ISG15: variants seen among roughly 807,000 people sequenced by gnomAD.
ISG15 encodes ISG15 ubiquitin like modifier, also known as ubiquitin-like protein ISG15.
ISG15 carries 2 observed loss-of-function variants against 2.4 expected under a neutral mutation model. That is an observed-to-expected ratio of 0.82 (90% CI 0.33 to 2.57). The LOEUF (loss-of-function observed/expected upper bound fraction) is 2.57. ISG15 is among the 30% of genes most tolerant of loss of function. The pLI is 0.11. For synonymous variants in ISG15, 116 were observed against 108.1 expected (o/e 1.07, Z -0.45); for missense variants, 224 against 228.4 (o/e 0.98, Z 0.13).
At position 1,013,944 on chromosome 1, in the gene ISG15, G is replaced by C. The variant is rs749455248; in HGVS notation, c.4-40G>C. 1.0e-5 allele frequency: 16 copies of C among 1,552,714 alleles called. No homozygotes were observed. The Admixed American group carries it at 2.9e-4, about 28-fold the overall frequency. ...AGTGCCTTGTGTGTGGTGGGCCTGG[G>C]GCTGGCGCCGCAGTCTCTGAACCTG... is the stretch of plus-strand genomic sequence containing the variant. On this transcript the variant is annotated intron_variant, in intron 1 of 1. Transcript: ENST00000649529.
chr1:1,014,295 C>G lies in ISG15; in HGVS notation c.315C>G (p.Ala105=), dbSNP rs766568573. 1 of 1,613,672 alleles carries G rather than the reference C, an allele frequency of 6.2e-7. No homozygotes were observed. Among genetic ancestry groups the G allele is most frequent in the Non-Finnish European group, 8.5e-7 (1 of 1,179,996 alleles). The change falls in exon 2 of 2, where the codon GCC becomes GCG. Residue 105 remains alanine, a synonymous_variant. Coordinates refer to ENST00000649529, the MANE Select transcript of ISG15 (RefSeq NM_005101.4). ...TYEVRLTQTV[A]HLKQQVSGLE... ...AGGTACGGCTGACGCAGACCGTGGC[C>G]CACCTGAAGCAGCAAGTGAGCGGGC...
chr1:1,013,670 G>T (rs1644244907), intron 1 of ISG15, 94 bp downstream of exon 1: 1 of 1,390,206 alleles, frequency 7.2e-7, no homozygotes, highest in African/African-American at 1.4e-5. Flanking sequence ...GGTGCAGGGA[G>T]AGCGGAGCTG....
At position 1,014,422 on chromosome 1, in the gene ISG15, G is replaced by A. The variant is rs202194159; in HGVS notation, c.442G>A (p.Val148Met). 464 of 1,612,550 alleles carry A rather than the reference G, an allele frequency of 2.9e-4. No homozygotes were observed. The highest frequency in any genetic ancestry group is 3.7e-4 in the Non-Finnish European group (437 of 1,179,502). Reference protein sequence around the residue: ...GEYGLKPLSTVFMNLRLRGGG... With the variant: ...GEYGLKPLSTMFMNLRLRGGG... ...GTACGGCCTCAAGCCCCTGAGCACC[G>A]TGTTCATGAATCTGCGCCTGCGGGG... Residue 148 changes from valine (V) to methionine (M), a missense_variant, in exon 2 of 2, where the codon GTG becomes ATG. Coordinates refer to ENST00000649529, the MANE Select transcript of ISG15 (RefSeq NM_005101.4).
At chr1:1,013,899 C>G in intron 1 of ISG15, 85 bp from the exon 2 acceptor site, 1 of 1,498,720 alleles carries the variant, frequency 6.7e-7, no homozygotes, top group Non-Finnish European at 9.0e-7. Context: ...TCCCTGGGTA[C>G]AGGAGCTCGC....
In ISG15 at chr1:1,014,388, G is replaced by A. The variant is rs755670497; in HGVS notation, c.408G>A (p.Pro136=). The change falls in exon 2 of 2, where the codon CCG becomes CCA. Residue 136 remains proline (P), a synonymous_variant. Coordinates refer to ENST00000649529, the MANE Select transcript of ISG15 (RefSeq NM_005101.4). ...FEGKPLEDQL[P]LGEYGLKPLS... ...GGAAGCCCCTGGAGGACCAGCTCCC[G>A]CTGGGGGAGTACGGCCTCAAGCCCC... is the stretch of plus-strand genomic sequence containing the variant. 49 of 1,613,188 alleles carry A rather than the reference G, an allele frequency of 3.0e-5. No individual in the cohort carries two copies. Among genetic ancestry groups the A allele is most frequent in the South Asian group, 8.8e-5 (8 of 91,094 alleles).
At position 1,014,013 on chromosome 1, in the gene ISG15, G is replaced by A. The variant is rs376799008; in HGVS notation, c.33G>A (p.Ala11=). 3.5e-4 allele frequency: 561 copies of A among 1,603,070 alleles called. 6 individuals carry two copies. In the South Asian group the frequency reaches 5.9e-3, roughly 17 times the overall value. Residue 11 remains alanine (A), a synonymous_variant, in exon 2 of 2, where the codon GCG becomes GCA. Transcript: ENST00000649529. Reference sequence around the variant, plus strand: ...GGGACCTGACGGTGAAGATGCTGGCGGGCAACGAATTCCAGGTGTCCCTGA... The same window carrying A: ...GGGACCTGACGGTGAAGATGCTGGCAGGCAACGAATTCCAGGTGTCCCTGA... MGWDLTVKML[A]GNEFQVSLSS... is the part of the protein sequence containing the mutation.
In ISG15 at chr1:1,014,131, G is replaced by A. The variant is rs139516378; in HGVS notation, c.151G>A (p.Gly51Ser). ...FQQRLAVHPS[G>S]VALQDRVPLA... ...GCAGCGTCTGGCTGTCCACCCGAGC[G>A]GTGTGGCGCTGCAGGACAGGGTCCC... The change falls in exon 2 of 2, where the codon GGT becomes AGT. Residue 51 changes from glycine (G) to serine (S), a missense_variant. Transcript: ENST00000649529. 1.6e-4 allele frequency: 251 copies of A among 1,612,928 alleles called. No individual in the cohort carries two copies. Among genetic ancestry groups the A allele is most frequent in the Non-Finnish European group, 2.0e-4 (236 of 1,179,630 alleles).
At position 1,014,062 on chromosome 1, in the gene ISG15, C is replaced by T. The variant is rs1392952648; in HGVS notation, c.82C>T (p.Leu28=). The T allele has an allele frequency of 6.8e-6, 11 of 1,613,032 alleles. No homozygotes were observed. The highest frequency in any genetic ancestry group is 1.7e-5 in the Admixed American group (1 of 60,022). ...GAGCAGCTCCATGTCGGTGTCAGAGCTGAAGGCGCAGATCACCCAGAAGAT... is the reference window on the plus strand; with the variant it reads ...GAGCAGCTCCATGTCGGTGTCAGAGTTGAAGGCGCAGATCACCCAGAAGAT... ...SLSSSMSVSE[L]KAQITQKIGV... The change falls in exon 2 of 2, where the codon CTG becomes TTG. Residue 28 remains leucine (L), a synonymous_variant. Transcript: ENST00000649529.
At chr1:1,013,900 A>G in intron 1 of ISG15, 84 bp from the exon 2 acceptor site, 1 of 1,502,636 alleles carries the variant, frequency 6.7e-7, no homozygotes, top group East Asian at 2.3e-5. Flanking sequence ...CCCTGGGTAC[A>G]GGAGCTCGCC....
At chr1:1,013,727 C>T (rs1644245098) in intron 1 of ISG15, 151 bp downstream of exon 1, 2 of 1,003,888 alleles carry the variant, frequency 2.0e-6, no homozygotes, top group Non-Finnish European at 3.0e-6. Flanking sequence ...AGCAGGTCAC[C>T]CCTGAGATCC....
chr1:1,014,349 G>C lies in ISG15; in HGVS notation c.369G>C (p.Trp123Cys). 1 of 1,613,638 alleles carries C rather than the reference G, an allele frequency of 6.2e-7. No homozygotes were observed. ...GLEGVQDDLF[W>C]LTFEGKPLED... ...AGGGTGTGCAGGACGACCTGTTCTG[G>C]CTGACCTTCGAGGGGAAGCCCCTGG... Residue 123 changes from tryptophan (W) to cysteine (C), a missense_variant, in exon 2 of 2, where the codon TGG becomes TGC. Coordinates refer to ENST00000649529, the MANE Select transcript of ISG15 (RefSeq NM_005101.4).
Position 1,013,564 on chromosome 1 carries a change from G to A in ISG15, c.-10G>A. The A allele has an allele frequency of 6.2e-7, 1 of 1,613,596 alleles. No homozygotes were observed. Among genetic ancestry groups the A allele is most frequent in the Non-Finnish European group, 8.5e-7 (1 of 1,179,910 alleles). On this transcript the variant is annotated 5_prime_UTR_variant, in exon 1 of 2. Transcript: ENST00000649529. ...CTTGTGCCGTGGCCCACAGCCCACA[G>A]CCCACAGCCATGGTAAGGCAGATGT...
rs1644243695 is a variant in ISG15 at position 1,013,526 on chromosome 1, G to T, written c.-48G>T. ...GCTGAGAGGCAGCGAACTCATCTTT[G>T]CCAGTACAGGAGCTTGTGCCGTGGC... On this transcript the variant is annotated 5_prime_UTR_variant, in exon 1 of 2. Coordinates refer to ENST00000649529, the MANE Select transcript of ISG15 (RefSeq NM_005101.4). 1.2e-6 allele frequency: 2 copies of T among 1,608,892 alleles called. No homozygotes were observed. Among genetic ancestry groups the T allele is most frequent in the African/African-American group, 2.7e-5 (2 of 74,830 alleles).
At position 1,014,048 on chromosome 1, in the gene ISG15, T is replaced by G; in HGVS notation, c.68T>G (p.Met23Arg). Residue 23 changes from methionine to arginine, a missense_variant, in exon 2 of 2, where the codon ATG (methionine) becomes AGG (arginine). Transcript: ENST00000649529. ...NEFQVSLSSS[M>R]SVSELKAQIT... The stretch of plus-strand genomic sequence containing the variant: ...TTCCAGGTGTCCCTGAGCAGCTCCA[T>G]GTCGGTGTCAGAGCTGAAGGCGCAG... 1 of 1,612,494 alleles carries G rather than the reference T, an allele frequency of 6.2e-7. No individual in the cohort carries two copies. Among genetic ancestry groups the G allele is most frequent in the Non-Finnish European group, 8.5e-7 (1 of 1,179,082 alleles).
chr1:1,013,497 G>C lies in ISG15; in HGVS notation c.-77G>C. 1 of 1,486,702 alleles carries C rather than the reference G, an allele frequency of 6.7e-7. No individual in the cohort carries two copies. Among genetic ancestry groups the C allele is most frequent in the South Asian group, 1.1e-5 (1 of 88,480 alleles). 92.1% of individuals were successfully genotyped at this position (1,486,702 alleles called of 1,614,324 possible). On this transcript the variant is annotated 5_prime_UTR_variant, in exon 1 of 2. Transcript: ENST00000649529. ...AGGGCCGGTGCTGCCTGCCGAAGCCGGCGGCTGAGAGGCAGCGAACTCATC... is the reference window on the plus strand; with the variant it reads ...AGGGCCGGTGCTGCCTGCCGAAGCCCGCGGCTGAGAGGCAGCGAACTCATC...
Position 1,014,521 on chromosome 1 carries a change from A to G in ISG15, c.*43A>G, listed in dbSNP as rs1342559479. ...CGAGCAGGATCAAGGGCCGGAAATA[A>G]AGGCTGTTGTAAAGAGAAATGGCCG... On this transcript the variant is annotated 3_prime_UTR_variant, in exon 2 of 2. Coordinates refer to ENST00000649529, the MANE Select transcript of ISG15 (RefSeq NM_005101.4). The G allele has an allele frequency of 6.4e-7, 1 of 1,552,468 alleles. No homozygotes were observed. Among genetic ancestry groups the G allele is most frequent in the Admixed American group, 1.9e-5 (1 of 53,790 alleles).
rs1368365384 is a variant in ISG15, at chr1:1,014,046, C to T, written c.66C>T (p.Ser22=). 1 of 1,612,400 alleles carries T rather than the reference C, an allele frequency of 6.2e-7. No homozygotes were observed. The highest frequency in any genetic ancestry group is 8.5e-7 in the Non-Finnish European group (1 of 1,179,004). Residue 22 remains serine, a synonymous_variant, in exon 2 of 2, where the codon TCC becomes TCT. Transcript: ENST00000649529. ...GNEFQVSLSS[S]MSVSELKAQI... ...AATTCCAGGTGTCCCTGAGCAGCTC[C>T]ATGTCGGTGTCAGAGCTGAAGGCGC...
chr1:1,013,835 T>A (rs1644245891), intron 1 of ISG15, 149 bp from the exon 2 acceptor site: 6 of 1,163,290 alleles, frequency 5.2e-6, no homozygotes, highest in Non-Finnish European at 7.3e-6. Context: ...CAGTGCCTTC[T>A]GTGCCTGGGG....
chr1:1,013,914 C>T, intron 1 of ISG15, 70 bp from the exon 2 acceptor site: 1 of 1,521,888 alleles, frequency 6.6e-7, no homozygotes, highest in Non-Finnish European at 8.8e-7. Context: ...GCTCGCCCTG[C>T]AGCCAGTGCC....
Sources: allele counts gnomAD v4.1 joint callset, GRCh38; gene constraint gnomAD v4.1.1; transcripts MANE v1.5; gene names NCBI Gene and HGNC (gene_info 2026-07-23, HGNC 2026-07-21).